The following DLGAP2 variants were observed in gnomAD, a reference collection of about 807,000 sequenced individuals.
DLGAP2 encodes DLG associated protein 2.
A neutral mutation model predicts 100.3 loss-of-function variants in DLGAP2; 26 were observed. The ratio of observed to expected loss-of-function variants is 0.26; its 90% CI spans 0.19 to 0.36. The LOEUF (loss-of-function observed/expected upper bound fraction) is 0.36. Among genes scored for constraint, DLGAP2 ranks in the 10% least tolerant of loss-of-function variants. The pLI is 1.00. For missense variants in DLGAP2, 1,858 were observed against 1,453.2 expected, an observed-to-expected ratio of 1.28 and a Z score of -4.53; for synonymous variants, 886 against 630.1, an observed-to-expected ratio of 1.41 and a Z score of -6.08.
chr8:1,360,930 C>T (rs562928192), intron 3 of DLGAP2, among the ~76,000 whole-genome samples: 67 of 152,302 alleles, frequency 4.4e-4, no homozygotes, highest in Non-Finnish European at 8.2e-4. Context: ...TCATCGCTCA[C>T]GTGTTTCAGA....
At chr8:1,135,566 A>G (rs1179587159) in intron 2 of DLGAP2, among the ~76,000 whole-genome samples, 2 of 117,274 alleles carry the variant, frequency 1.7e-5, no homozygotes, top group East Asian at 2.9e-4. Flanking sequence ...GAAAAGGGGC[A>G]TGCGGTCTTT....
chr8:1,479,353 C>T (rs771239303), intron 3 of DLGAP2, among the ~76,000 whole-genome samples: 1 of 152,246 alleles, frequency 6.6e-6, no homozygotes, highest in African/African-American at 2.4e-5. Context: ...CCCTCAGGCA[C>T]TCTGGGGACG....
intron 1 of DLGAP2, among the ~76,000 whole-genome samples, chr8:742,685 T>C (rs923702958): frequency 6.6e-6 from 1 of 152,100 alleles, no homozygotes; most frequent in Non-Finnish European, 1.5e-5. Context: ...TTTTTTTTTT[T>C]TGGTAGAGAC....
At chr8:747,601 C>T (rs1233323750) in intron 1 of DLGAP2, among the ~76,000 whole-genome samples, 6 of 72,986 alleles carry the variant, frequency 8.2e-5, no homozygotes, top group Admixed American at 6.8e-4. Flanking sequence ...CATGACGGGA[C>T]GGGCAGGCTG....
At chr8:972,455 T>C (rs1800036339) in intron 2 of DLGAP2, among the ~76,000 whole-genome samples, 1 of 152,044 alleles carries the variant, frequency 6.6e-6, no homozygotes, top group Non-Finnish European at 1.5e-5. Flanking sequence ...AAATCAAAGA[T>C]AAAAAACATA....
At chr8:1,636,395 C>G (rs923463624) in intron 8 of DLGAP2, among the ~76,000 whole-genome samples, 1 of 152,202 alleles carries the variant, frequency 6.6e-6, no homozygotes, top group East Asian at 1.9e-4. Context: ...CAACTTGTCT[C>G]TCAAGGGTAC....
intron 4 of DLGAP2, among the ~76,000 whole-genome samples, chr8:1,506,961 A>C (rs1024069888): frequency 6.6e-6 from 1 of 152,096 alleles, no homozygotes; most frequent in Non-Finnish European, 1.5e-5. Context: ...AGTCCCCACC[A>C]GATTAGCTAG....
intron 1 of DLGAP2, among the ~76,000 whole-genome samples, chr8:876,078 A>G (rs867670710): frequency 6.6e-6 from 1 of 152,216 alleles, no homozygotes; most frequent in South Asian, 2.1e-4. Context: ...TTATTGACAA[A>G]TATGTTACAC....
chr8:960,206 C>G (rs1249957186), intron 2 of DLGAP2, among the ~76,000 whole-genome samples: 4 of 136,732 alleles, frequency 2.9e-5, no homozygotes, highest in African/African-American at 1.1e-4. Flanking sequence ...AATTTATTTC[C>G]AAGTTTTGGG....
At chr8:1,199,330 C>T (rs530782540) in intron 2 of DLGAP2, among the ~76,000 whole-genome samples, 11 of 152,204 alleles carry the variant, frequency 7.2e-5, no homozygotes, top group African/African-American at 2.7e-4. Flanking sequence ...CTGGTGATCT[C>T]TTTTGGCTAT....
At chr8:1,414,297 G>C (rs767785751) in intron 3 of DLGAP2, among the ~76,000 whole-genome samples, 1 of 152,248 alleles carries the variant, frequency 6.6e-6, no homozygotes, top group African/African-American at 2.4e-5. Context: ...ATTGGAGGGT[G>C]TGTTTCACAG....
At chr8:1,507,343 C>T (rs144768128) in intron 4 of DLGAP2, among the ~76,000 whole-genome samples, 11 of 152,202 alleles carry the variant, frequency 7.2e-5, no homozygotes, top group Non-Finnish European at 1.3e-4. Flanking sequence ...CGTGCAGCGC[C>T]GGTGGGCCAG....
At chr8:1,269,643 C>T (rs748874490) in intron 3 of DLGAP2, among the ~76,000 whole-genome samples, 2 of 152,168 alleles carry the variant, frequency 1.3e-5, no homozygotes, top group South Asian at 2.1e-4. Flanking sequence ...CTGCAGCACC[C>T]ACCTTTGTAA....
intron 3 of DLGAP2, among the ~76,000 whole-genome samples, chr8:1,448,926 G>A (rs879501882): frequency 1.3e-4 from 20 of 152,162 alleles, no homozygotes; most frequent in Admixed American, 1.1e-3. Flanking sequence ...ACATGCAGCC[G>A]CTGCTGGGCC....
intron 3 of DLGAP2, 115 bp from the exon 4 acceptor site, chr8:1,501,251 A>C: frequency 1.8e-6 from 2 of 1,101,578 alleles, no homozygotes; most frequent in Admixed American, 2.2e-5. Context: ...AAGAAATACA[A>C]AGGTGTCTGT....
In DLGAP2 at chr8:835,826, G is replaced by A. The variant is rs553265244; in HGVS notation, c.19-72086G>A. On this transcript the variant is annotated intron_variant, in intron 1 of 14. Coordinates refer to ENST00000637795, the MANE Select transcript of DLGAP2 (RefSeq NM_001346810.2). ...TAATGCTTTCTCCCCGTACCAGCCG[G>A]TCTGTGGCACGTTCTTTCGTGTGGG... Among the ~76,000 whole-genome samples the A allele has an allele frequency of 5.5e-4, 83 of 152,250 alleles. No homozygotes were observed. In the South Asian group the frequency reaches 0.012, roughly 23 times the overall value.
intron 3 of DLGAP2, among the ~76,000 whole-genome samples, chr8:1,279,305 A>G (rs917147869): frequency 4.6e-5 from 7 of 152,180 alleles, no homozygotes; most frequent in African/African-American, 1.4e-4. Flanking sequence ...CTCAATTTCA[A>G]TCCAATAAAA....
At chr8:804,000 G>C (rs1294978902) in intron 1 of DLGAP2, among the ~76,000 whole-genome samples, 2 of 152,158 alleles carry the variant, frequency 1.3e-5, no homozygotes, top group East Asian at 1.9e-4. Context: ...CTGCCTTCTT[G>C]CTGGGTTGGC....
chr8:1,657,436 C>G (rs188225651), intron 8 of DLGAP2, among the ~76,000 whole-genome samples: 40 of 152,366 alleles, frequency 2.6e-4, no homozygotes, highest in African/African-American at 9.6e-4. Flanking sequence ...ATCACCCACA[C>G]CATCCAACTG....
Sources: allele counts gnomAD v4.1 joint callset (sites outside exome capture counted in the v4.1 genomes callset), GRCh38; gene constraint gnomAD v4.1.1; transcripts MANE v1.5; gene names NCBI Gene and HGNC (gene_info 2026-07-23, HGNC 2026-07-21).